Variants in LAMA2 observed in about 807,000 individuals in gnomAD.
LAMA2 encodes the protein laminin subunit alpha-2.
LAMA2 carries 269 observed loss-of-function variants against 364.8 expected under a neutral mutation model. That is an observed-to-expected ratio of 0.74 (90% confidence interval 0.67 to 0.82). The LOEUF (loss-of-function observed/expected upper bound fraction) is 0.82, where lower values mean the gene tolerates loss of function less well. Ranked by LOEUF, LAMA2 falls within the 40% of genes least tolerant of loss-of-function variation. LAMA2 has a pLI of 0.00. For synonymous variants in LAMA2, 1,379 were observed against 1,370.6 expected, an observed-to-expected ratio of 1.01 and a Z score of -0.14; for missense variants, 3,807 against 3,873.2, an observed-to-expected ratio of 0.98 and a Z score of 0.45.
chr6:128,961,204 A>C (rs980617738), intron 1 of LAMA2, among the ~76,000 whole-genome samples: 1 of 150,144 alleles, frequency 6.7e-6, no homozygotes, highest in Non-Finnish European at 1.5e-5. Context: ...TTTCATTTTT[A>C]GTATGAATTC....
intron 12 of LAMA2, among the ~76,000 whole-genome samples, chr6:129,219,962 A>G: frequency 1.3e-5 from 2 of 152,006 alleles, no homozygotes; most frequent in South Asian, 4.1e-4. Context: ...TAAAACTTAA[A>G]GTATAATAAT....
intron 12 of LAMA2, among the ~76,000 whole-genome samples, chr6:129,227,638 C>T (rs1421571171): frequency 2.0e-5 from 3 of 152,200 alleles, no homozygotes; most frequent in Admixed American, 6.5e-5. Flanking sequence ...GGCTGCAGAA[C>T]AGCAGATATT....
intron 12 of LAMA2, among the ~76,000 whole-genome samples, chr6:129,228,122 T>A (rs1471151246): frequency 1.3e-5 from 2 of 152,118 alleles, no homozygotes; most frequent in African/African-American, 4.8e-5. Flanking sequence ...CATGGGACCC[T>A]CCGAGCCAGG....
chr6:129,418,910 C>T (rs1780933112), intron 40 of LAMA2, among the ~76,000 whole-genome samples: 1 of 151,954 alleles, frequency 6.6e-6, no homozygotes, highest in Admixed American at 6.6e-5. Context: ...TTATCATGTA[C>T]AACATGATGC....
At chr6:129,413,153 C>T (rs980801797) in intron 40 of LAMA2, among the ~76,000 whole-genome samples, 3 of 151,976 alleles carry the variant, frequency 2.0e-5, no homozygotes, top group African/African-American at 7.3e-5. Flanking sequence ...AGCTGGTATG[C>T]TACCATTAAT....
chr6:129,107,597 A>G (rs1775908308), intron 4 of LAMA2, among the ~76,000 whole-genome samples: 1 of 152,204 alleles, frequency 6.6e-6, no homozygotes, highest in African/African-American at 2.4e-5. Context: ...GACAAAAATA[A>G]TAATAAAACC....
Position 129,503,152 on chromosome 6 carries a change from C to G in LAMA2, c.8419C>G (p.Arg2807Gly), listed in dbSNP as rs754671210. The G allele has an allele frequency of 1.5e-5, 24 of 1,614,002 alleles. No individual in the cohort carries two copies. The Admixed American group carries it at 3.2e-4, about 21-fold the overall frequency. The change falls in exon 60 of 65, where the codon CGC (arginine) becomes GGC (glycine). Residue 2807 changes from arginine to glycine, a missense_variant. Transcript: ENST00000421865. ...AESGLLFYMA[R>G]INHADFATVQ... ...ATCCGGCTTGCTTTTTTACATGGCT[C>G]GCATCAATCATGCTGATTTTGCAAC...
chr6:128,958,060 C>T (rs1205327988), intron 1 of LAMA2, among the ~76,000 whole-genome samples: 1 of 151,774 alleles, frequency 6.6e-6, no homozygotes, highest in African/African-American at 2.4e-5. Context: ...TAAAGATTAC[C>T]ATGTACTCCT....
At chr6:129,216,173 T>C (rs767800901) in intron 12 of LAMA2, among the ~76,000 whole-genome samples, 11 of 152,218 alleles carry the variant, frequency 7.2e-5, no homozygotes, top group Non-Finnish European at 1.3e-4. Flanking sequence ...AGTCTATAGC[T>C]ACATTCTGCA....
Position 129,456,457 on chromosome 6 carries a change from C to T in LAMA2, c.6830C>T (p.Ala2277Val). ...GYTILDVDAN[A>V]MLFVGGLTGK... ...ACGATTCTAGATGTGGATGCAAATGCAATGCTGTTTGTTGGTGGCCTGACT... is the reference window on the plus strand; with the variant it reads ...ACGATTCTAGATGTGGATGCAAATGTAATGCTGTTTGTTGGTGGCCTGACT... Residue 2277 changes from alanine to valine, a missense_variant, in exon 48 of 65, where the codon GCA becomes GTA. By Grantham distance (64) the Ala-to-Val change is moderately conservative (BLOSUM62 0). Transcript: ENST00000421865. 3 of 1,613,476 alleles carry T rather than the reference C, an allele frequency of 1.9e-6. No homozygotes were observed. Among genetic ancestry groups the T allele is most frequent in the Non-Finnish European group, 2.5e-6 (3 of 1,179,554 alleles).
In LAMA2 at chr6:129,438,753, A is replaced by T; in HGVS notation, c.6076A>T (p.Ile2026Phe). The change falls in exon 42 of 65, where the codon ATT (isoleucine) becomes TTT (phenylalanine). Residue 2026 changes from isoleucine to phenylalanine, a missense_variant. Physicochemically the swap from Ile to Phe is conservative, Grantham distance 21. Coordinates refer to ENST00000421865, the MANE Select transcript of LAMA2 (RefSeq NM_000426.4). ...LNDTLGKLSAIPNDTAAKLQA... is the reference protein window; with the variant it reads ...LNDTLGKLSAFPNDTAAKLQA... ...TGACACTTTGGGAAAGTTATCAGCT[A>T]TTCCAAATGGTAAGCATTCAGGACA... The T allele has an allele frequency of 1.3e-6, 2 of 1,526,518 alleles. No individual in the cohort carries two copies. The highest frequency in any genetic ancestry group is 1.8e-6 in the Non-Finnish European group (2 of 1,100,438). 94.6% of individuals were successfully genotyped at this position (1,526,518 alleles called of 1,614,324 possible). A position where few individuals can be genotyped will look rare whatever the true frequency, so the allele number is the denominator to read the frequency against.
chr6:129,143,101 C>T (rs930486117), intron 4 of LAMA2, among the ~76,000 whole-genome samples: 20 of 151,952 alleles, frequency 1.3e-4, no homozygotes, highest in African/African-American at 4.8e-4. Context: ...GCCTGCCAGC[C>T]TTCTACACCT....
chr6:129,501,104 G>C (rs1003728008), intron 58 of LAMA2, among the ~76,000 whole-genome samples: 1 of 152,166 alleles, frequency 6.6e-6, no homozygotes, highest in South Asian at 2.1e-4. Context: ...TGCAAGCTGC[G>C]TGTGTTTATC....
At chr6:129,395,563 A>C (rs77768478) in intron 37 of LAMA2, among the ~76,000 whole-genome samples, 6,675 of 152,314 alleles carry the variant, frequency 0.044, 229 homozygotes, top group African/African-American at 0.087. Flanking sequence ...TCCAGTGATT[A>C]AGATGCAGCT....
intron 1 of LAMA2, among the ~76,000 whole-genome samples, chr6:128,936,606 A>C (rs1216948283): frequency 1.3e-5 from 2 of 152,168 alleles, no homozygotes; most frequent in African/African-American, 4.8e-5. Context: ...AATTTATGTT[A>C]GGCACAGCAA....
chr6:128,964,644 C>T (rs1781730783), intron 1 of LAMA2, among the ~76,000 whole-genome samples: 1 of 151,972 alleles, frequency 6.6e-6, no homozygotes, highest in Non-Finnish European at 1.5e-5. Context: ...ATGTTGTTTC[C>T]TTCAATTATG....
At chr6:129,351,620 C>T (rs1776858419) in intron 31 of LAMA2, among the ~76,000 whole-genome samples, 1 of 152,246 alleles carries the variant, frequency 6.6e-6, no homozygotes. Context: ...AATCATCTTT[C>T]GACCTGCTCA....
intron 28 of LAMA2, among the ~76,000 whole-genome samples, chr6:129,325,870 C>T (rs1012925124): frequency 6.6e-6 from 1 of 152,070 alleles, no homozygotes; most frequent in Non-Finnish European, 1.5e-5. Flanking sequence ...GATGGAGTCT[C>T]GCTTTGTCAC....
At chr6:129,379,552 G>C (rs987857545) in intron 34 of LAMA2, among the ~76,000 whole-genome samples, 3 of 152,062 alleles carry the variant, frequency 2.0e-5, no homozygotes, top group Admixed American at 6.6e-5. Flanking sequence ...CTTCTTCTGT[G>C]TTTAGAGGGA....
Sources: gnomAD v4.1 joint callset for allele counts (sites outside exome capture counted in the v4.1 genomes callset) on GRCh38, gnomAD v4.1.1 for gene constraint, MANE v1.5 for transcripts, NCBI Gene and HGNC (gene_info 2026-07-23, HGNC 2026-07-21) for gene names.